The following BMPR1B variants were observed in gnomAD, a reference collection of about 807,000 sequenced individuals.
BMPR1B encodes the protein bone morphogenetic protein receptor type-1B.
In BMPR1B, 12 loss-of-function variants were observed where a neutral mutation model predicts 59.1. The ratio of observed to expected loss-of-function variants is 0.20; its 90% CI spans 0.13 to 0.33. The LOEUF is 0.33. Ranked by LOEUF, BMPR1B falls within the 10% of genes least tolerant of loss-of-function variation. BMPR1B has a pLI of 1.00. For synonymous variants in BMPR1B, 237 were observed against 207.3 expected (o/e 1.14, Z -1.23); for missense variants, 550 against 610.9 (o/e 0.90, Z 1.05).
intron 2 of BMPR1B, among the ~76,000 whole-genome samples, chr4:94,990,804 A>G (rs1361730824): frequency 6.6e-6 from 1 of 152,134 alleles, no homozygotes; most frequent in African/African-American, 2.4e-5. Context: ...TCAACTCGTC[A>G]TTTAACATTA....
chr4:94,836,105 CT>C (rs1724806183), intron 1 of BMPR1B, among the ~76,000 whole-genome samples: 1 of 148,250 alleles, frequency 6.7e-6, no homozygotes, highest in African/African-American at 2.5e-5. Context: ...TTTTTTATGG[CT>C]GCATAGTATT....
intron 2 of BMPR1B, among the ~76,000 whole-genome samples, chr4:94,990,056 G>A (rs1029239069): frequency 6.6e-6 from 1 of 152,182 alleles, no homozygotes; most frequent in African/African-American, 2.4e-5. Context: ...TTACTCAAGA[G>A]TAACGAAAAT....
intron 2 of BMPR1B, among the ~76,000 whole-genome samples, chr4:94,880,845 A>C (rs1408000101): frequency 6.6e-6 from 1 of 152,002 alleles, no homozygotes; most frequent in Non-Finnish European, 1.5e-5. Flanking sequence ...CATTTTAGCC[A>C]GACTGGTCTT....
intron 3 of BMPR1B, among the ~76,000 whole-genome samples, chr4:95,033,584 C>G (rs539200656): frequency 2.0e-4 from 30 of 152,172 alleles, no homozygotes; most frequent in Admixed American, 1.8e-3. Context: ...CATACTTACT[C>G]TACATACAAT....
chr4:95,029,367 G>C (rs1382967757), intron 3 of BMPR1B, among the ~76,000 whole-genome samples: 1 of 150,584 alleles, frequency 6.6e-6, no homozygotes, highest in Non-Finnish European at 1.5e-5. Context: ...TTGTCCTTGC[G>C]ATAGTTTACT....
At chr4:94,868,001 G>T (rs1023317895) in intron 1 of BMPR1B, among the ~76,000 whole-genome samples, 2 of 147,950 alleles carry the variant, frequency 1.4e-5, no homozygotes, top group Non-Finnish European at 3.0e-5. Flanking sequence ...ATGTGCCACC[G>T]TGCCTGTGCC....
intron 2 of BMPR1B, among the ~76,000 whole-genome samples, chr4:94,973,594 T>C (rs1242596054): frequency 1.3e-5 from 2 of 152,158 alleles, no homozygotes; most frequent in African/African-American, 4.8e-5. Flanking sequence ...AAACACAGGA[T>C]AGGGCAGGGT....
chr4:95,091,661 G>A (rs1729997732), intron 3 of BMPR1B: 10 of 984,182 alleles, frequency 1.0e-5, no homozygotes, highest in Non-Finnish European at 1.2e-5. Flanking sequence ...ATCTCACAGA[G>A]ACTGTTTTTT....
At chr4:94,850,987 G>T (rs117721116) in intron 1 of BMPR1B, among the ~76,000 whole-genome samples, 1 of 152,104 alleles carries the variant, frequency 6.6e-6, no homozygotes, top group Non-Finnish European at 1.5e-5. Context: ...ACTTGTAGAA[G>T]GTAATCACTA....
intron 2 of BMPR1B, among the ~76,000 whole-genome samples, chr4:94,891,719 A>G (rs564971498): frequency 1.6e-4 from 24 of 152,216 alleles, no homozygotes; most frequent in African/African-American, 5.5e-4. Context: ...AACATTGCAG[A>G]TTTATTAATA....
chr4:95,017,202 C>G (rs1560597694), intron 3 of BMPR1B, among the ~76,000 whole-genome samples: 1 of 152,210 alleles, frequency 6.6e-6, no homozygotes, highest in South Asian at 2.1e-4. Flanking sequence ...GCCATGCAAG[C>G]AGCTCTCTTT....
intron 2 of BMPR1B, among the ~76,000 whole-genome samples, chr4:94,923,536 G>A (rs987370299): frequency 3.3e-5 from 5 of 152,050 alleles, no homozygotes; most frequent in Non-Finnish European, 7.4e-5. Context: ...TGAGAGCCCT[G>A]GTTTAAGTTT....
chr4:94,899,511 C>T (rs899388915), intron 2 of BMPR1B, among the ~76,000 whole-genome samples: 7 of 149,696 alleles, frequency 4.7e-5, no homozygotes, highest in Admixed American at 1.3e-4. Context: ...ATTTATATGA[C>T]ACTTCTGGGA....
chr4:94,885,119 A>G (rs1727120363), intron 2 of BMPR1B, among the ~76,000 whole-genome samples: 3 of 152,116 alleles, frequency 2.0e-5, no homozygotes, highest in African/African-American at 7.2e-5. Flanking sequence ...AGAGCCACCT[A>G]CCTAACTTGT....
At chr4:95,088,957 A>G (rs141311272) in intron 3 of BMPR1B, among the ~76,000 whole-genome samples, 48 of 152,300 alleles carry the variant, frequency 3.2e-4, no homozygotes, top group East Asian at 2.5e-3. Context: ...TGAAGTACCA[A>G]TGAATACAAT....
intron 1 of BMPR1B, among the ~76,000 whole-genome samples, chr4:94,861,390 C>T (rs945101740): frequency 6.6e-6 from 1 of 152,126 alleles, no homozygotes; most frequent in Non-Finnish European, 1.5e-5. Context: ...TTTGCTATTA[C>T]TGGTTTCATC....
At chr4:94,976,665 A>G (rs1019986384) in intron 2 of BMPR1B, among the ~76,000 whole-genome samples, 3 of 152,218 alleles carry the variant, frequency 2.0e-5, no homozygotes, top group African/African-American at 4.8e-5. Context: ...TTCTTTGGAA[A>G]ACCTTTGAAC....
intron 11 of BMPR1B, among the ~76,000 whole-genome samples, chr4:95,151,853 A>C (rs1735064903): frequency 1.3e-5 from 2 of 152,188 alleles, no homozygotes; most frequent in Admixed American, 6.5e-5. Context: ...TAATTATTAT[A>C]AGGAGTTAAT....
chr4:94,986,128 TAAAAC>T (rs1341400338), intron 2 of BMPR1B, among the ~76,000 whole-genome samples: 1 of 152,230 alleles, frequency 6.6e-6, no homozygotes, highest in Non-Finnish European at 1.5e-5. Context: ...CAGTTACCTT[TAAAAC>T]AAAACAAAAA....
Sources: allele counts gnomAD v4.1 joint callset (sites outside exome capture counted in the v4.1 genomes callset), GRCh38; gene constraint gnomAD v4.1.1; transcripts MANE v1.5; gene names NCBI Gene and HGNC (gene_info 2026-07-23, HGNC 2026-07-21).